Variants in GPR132 observed in about 807,000 individuals in gnomAD.
The protein encoded by GPR132 is G protein-coupled receptor 132.
Under a neutral mutation model 1.9 loss-of-function variants are expected in GPR132, and 4 were observed. The observed-to-expected ratio is 2.13, with a 90% CI of 1.05 to 4.87. GPR132 has a LOEUF of 4.87. Among genes scored for constraint, GPR132 ranks in the 30% most tolerant of loss-of-function variants. GPR132 has a pLI of 0.01. For missense variants in GPR132, 404 were observed against 512.5 expected, an observed-to-expected ratio of 0.79 and a Z score of 2.04; for synonymous variants, 233 against 234.2, an observed-to-expected ratio of 0.99 and a Z score of 0.05.
rs1429153443 is a variant in GPR132 at position 105,051,549 on chromosome 14, A to G, written c.588T>C (p.Ile196=). 1.2e-6 allele frequency: 2 copies of G among 1,614,004 alleles called. No individual in the cohort carries two copies. The highest frequency in any genetic ancestry group is 2.2e-5 in the South Asian group (2 of 91,082). ...TGAACCTGGCGTAGTAGTACCCGGC[A>G]ATCCTGCTGTCCATCTGCAGCATGT... ...CFDMLQMDSR[I]AGYYYARFTV... The change falls in exon 4 of 4, where the codon ATT becomes ATC. Residue 196 remains isoleucine, a synonymous_variant. Transcript: ENST00000329797. This position sits in a 1 kb window ranked among gnomAD's most constrained non-coding sequence, Gnocchi z 8.0.
At position 105,051,205 on chromosome 14, in the gene GPR132, G is replaced by A. The variant is rs147262508; in HGVS notation, c.932C>T (p.Ala311Val). ...GVADPIIYVL[A>V]TDHSRQEVSR... is the part of the protein sequence containing the mutation. ...CACTTCTTGGCGGGAATGGTCCGTG[G>A]CCAGCACGTAGATAATGGGGTCAGC... Residue 311 changes from alanine to valine, a missense_variant, in exon 4 of 4, where the codon GCC becomes GTC. By Grantham distance (64) the Ala-to-Val change is moderately conservative. Transcript: ENST00000329797. The surrounding 1 kb of genome is among the most constrained non-coding windows in gnomAD (Gnocchi z 8.0). The A allele has an allele frequency of 1.2e-6, 2 of 1,613,938 alleles. No homozygotes were observed. Among genetic ancestry groups the A allele is most frequent in the African/African-American group, 2.7e-5 (2 of 74,932 alleles).
At chr14:105,065,150 C>T (rs1488303625) in intron 1 of GPR132, among the ~76,000 whole-genome samples, 2 of 152,274 alleles carry the variant, frequency 1.3e-5, no homozygotes, top group African/African-American at 4.8e-5. Context: ...AACTGTTGTC[C>T]CTCTCCCCCA....
rs1398659603 is a variant in GPR132 at position 105,060,993 on chromosome 14, A to C, written c.-860-3713T>G. On this transcript the variant is annotated intron_variant, in intron 1 of 3. Transcript: ENST00000329797. The surrounding 1 kb of genome is among the most constrained non-coding windows in gnomAD (Gnocchi z 6.3). ...CAGAGCCGGAGCCACCTTCCCATCC[A>C]GCTGGTCCCATGCGGCCCATGCAGC... 2.0e-5 allele frequency among the ~76,000 whole-genome samples: 3 copies of C among 152,234 alleles called. No homozygotes were observed. Among genetic ancestry groups the C allele is most frequent in the African/African-American group, 7.2e-5 (3 of 41,464 alleles).
intron 1 of GPR132, among the ~76,000 whole-genome samples, chr14:105,064,093 C>T (rs753446111): frequency 5.9e-5 from 9 of 152,232 alleles, no homozygotes; most frequent in Non-Finnish European, 1.2e-4. Flanking sequence ...CCTGCCTTGG[C>T]CTCCCAAAGT....
Position 105,055,762 on chromosome 14 carries a change from T to C in GPR132, c.-342A>G, listed in dbSNP as rs1293381719. On this transcript the variant is annotated 5_prime_UTR_variant, in exon 3 of 4. Coordinates refer to ENST00000329797, the MANE Select transcript of GPR132 (RefSeq NM_013345.4). The surrounding 1 kb of genome is among the most constrained non-coding windows in gnomAD (Gnocchi z 4.7). ...GTCCTCCAGGGTCTCGCCAAAAATA[T>C]AAATATATATATATATTCCACTGTG... The C allele has an allele frequency of 1.8e-5, 6 of 324,770 alleles. No homozygotes were observed. In the Admixed American group the frequency reaches 2.2e-4, roughly 12 times the overall value. The allele number at this position is 324,770 out of a possible 1,614,324, so 20.1% of individuals were successfully genotyped here.
In GPR132 at chr14:105,050,926, C is replaced by T. The variant is rs1886616496; in HGVS notation, c.*68G>A. 16 of 1,431,200 alleles carry T rather than the reference C, an allele frequency of 1.1e-5. No individual in the cohort carries two copies. Among genetic ancestry groups the T allele is most frequent in the Non-Finnish European group, 1.5e-5 (16 of 1,034,592 alleles). The allele number at this position is 1,431,200 out of a possible 1,614,324, so 88.7% of individuals were successfully genotyped here. A position where few individuals can be genotyped will look rare whatever the true frequency, so the allele number is the denominator to read the frequency against. On this transcript the variant is annotated 3_prime_UTR_variant, in exon 4 of 4. Coordinates refer to ENST00000329797, the MANE Select transcript of GPR132 (RefSeq NM_013345.4). The surrounding 1 kb of genome is among the most constrained non-coding windows in gnomAD (Gnocchi z 4.0). ...ACATGGGCACTGTGGCTGGTGGGCT[C>T]AGTGCACAGGAACCACATTGCTGGC...
rs1413803536 is a variant in GPR132 at position 105,051,651 on chromosome 14, G to T, written c.486C>A (p.Ile162=). ...GRRRRRTAIL[I]SACIFILVGI... ...CGACGAGGATGAAGATGCAGGCGGAGATGAGGATGGCGGTCCTCCGGCGGC... is the reference window on the plus strand; with the variant it reads ...CGACGAGGATGAAGATGCAGGCGGATATGAGGATGGCGGTCCTCCGGCGGC... Residue 162 remains isoleucine, a synonymous_variant, in exon 4 of 4, where the codon ATC becomes ATA. Transcript: ENST00000329797. The surrounding 1 kb of genome is among the most constrained non-coding windows in gnomAD (Gnocchi z 8.0). 1 of 1,613,938 alleles carries T rather than the reference G, an allele frequency of 6.2e-7. No homozygotes were observed. The highest frequency in any genetic ancestry group is 8.5e-7 in the Non-Finnish European group (1 of 1,180,048).
At position 105,056,361 on chromosome 14, in the gene GPR132, C is replaced by T. The variant is rs1174216879; in HGVS notation, c.-746-195G>A. On this transcript the variant is annotated intron_variant, in intron 2 of 3. Coordinates refer to ENST00000329797, the MANE Select transcript of GPR132 (RefSeq NM_013345.4). The surrounding 1 kb of genome is among the most constrained non-coding windows in gnomAD (Gnocchi z 6.0). ...TTCCCATCAAACGAGTGCCCCAGCC[C>T]CGCTGTGCGAGTCCTGAGCTCAGAG... 6.6e-6 allele frequency among the ~76,000 whole-genome samples: 1 copy of T among 152,202 alleles called. No individual in the cohort carries two copies. The highest frequency in any genetic ancestry group is 1.5e-5 in the Non-Finnish European group (1 of 68,030).
intron 1 of GPR132, among the ~76,000 whole-genome samples, chr14:105,058,743 G>T (rs1185249519): frequency 6.6e-6 from 1 of 152,254 alleles, no homozygotes; most frequent in African/African-American, 2.4e-5. Flanking sequence ...TGGGCGGGCA[G>T]CAGATGGCTC....
At chr14:105,054,155 G>C (rs1324026931) in intron 3 of GPR132, 7 of 1,279,916 alleles carry the variant, frequency 5.5e-6, no homozygotes, top group Non-Finnish European at 7.1e-6. Context: ...AGACAGACCT[G>C]GCCTCAGCAC....
intron 1 of GPR132, chr14:105,057,482 C>T: frequency 3.4e-6 from 1 of 294,922 alleles, no homozygotes; most frequent in Non-Finnish European, 6.3e-6. Context: ...ATCAAAACGT[C>T]ACATTAGCCA....
intron 3 of GPR132, among the ~76,000 whole-genome samples, chr14:105,054,867 T>C (rs1886746435): frequency 6.6e-6 from 1 of 150,734 alleles, no homozygotes; most frequent in African/African-American, 2.4e-5. Flanking sequence ...TGGTGAAAAC[T>C]CGTCTCTACT....
In GPR132 at chr14:105,051,512, C is replaced by G; in HGVS notation, c.625G>C (p.Ala209Pro). 1 of 1,613,912 alleles carries G rather than the reference C, an allele frequency of 6.2e-7. No homozygotes were observed. The highest frequency in any genetic ancestry group is 1.7e-5 in the Admixed American group (1 of 60,006). Reference protein sequence around the residue: ...YYYARFTVGFAIPLSIIAFTN... With the variant: ...YYYARFTVGFPIPLSIIAFTN... The stretch of plus-strand genomic sequence containing the variant: ...AAGGCGATGATGGAGAGAGGGATGG[C>G]AAAGCCAACGGTGAACCTGGCGTAG... The change falls in exon 4 of 4, where the codon GCC becomes CCC. Residue 209 changes from alanine to proline, a missense_variant. By Grantham distance (27) the Ala-to-Pro change is conservative. Coordinates refer to ENST00000329797, the MANE Select transcript of GPR132 (RefSeq NM_013345.4). This position sits in a 1 kb window ranked among gnomAD's most constrained non-coding sequence, Gnocchi z 8.0.
intron 1 of GPR132, among the ~76,000 whole-genome samples, chr14:105,062,500 T>A (rs1157152911): frequency 6.6e-6 from 1 of 152,006 alleles, no homozygotes; most frequent in East Asian, 1.9e-4. Flanking sequence ...TCTTTTGCCT[T>A]TTTTGCCTTT....
chr14:105,054,546 T>G (rs2140929861), intron 3 of GPR132: 1 of 333,144 alleles, frequency 3.0e-6, no homozygotes, highest in Non-Finnish European at 4.3e-6. Flanking sequence ...TTCTCCTGCC[T>G]CAGCCTCCCG....
At chr14:105,064,139 G>T (rs1013339797) in intron 1 of GPR132, among the ~76,000 whole-genome samples, 1 of 151,872 alleles carries the variant, frequency 6.6e-6, no homozygotes, top group Non-Finnish European at 1.5e-5. Context: ...GCACCTGGCT[G>T]GATTGCCTGT....
Position 105,055,050 on chromosome 14 carries a change from G to A in GPR132, c.34+337C>T, listed in dbSNP as rs1345025149. On this transcript the variant is annotated intron_variant, in intron 3 of 3. Coordinates refer to ENST00000329797, the MANE Select transcript of GPR132 (RefSeq NM_013345.4). The surrounding 1 kb of genome is among the most constrained non-coding windows in gnomAD (Gnocchi z 4.7). ...AAAAAAAAAAAAAAAAAAAAATTCG[G>A]CCCCATGGGCCGTTCATTCCTTCAA... Among the ~76,000 whole-genome samples, 3 of 144,256 alleles carry A rather than the reference G, an allele frequency of 2.1e-5. No individual in the cohort carries two copies. Among genetic ancestry groups the A allele is most frequent in the South Asian group, 2.2e-4 (1 of 4,476 alleles). The allele number at this position is 144,256 out of a possible 152,430, so 94.6% of individuals were successfully genotyped here.
At chr14:105,061,961 C>G (rs1435182499) in intron 1 of GPR132, among the ~76,000 whole-genome samples, 17 of 152,212 alleles carry the variant, frequency 1.1e-4, no homozygotes, top group Non-Finnish European at 1.5e-5. Flanking sequence ...CCACCATGCT[C>G]ACAGCACCAG....
rs143526502 is a variant in GPR132 at position 105,053,950 on chromosome 14, G to A, written c.34+1437C>T. 120 of 1,191,760 alleles carry A rather than the reference G, an allele frequency of 1.0e-4. No individual in the cohort carries two copies. The East Asian group carries it at 2.1e-3, about 21-fold the overall frequency. 73.8% of individuals were successfully genotyped at this position (1,191,760 alleles called of 1,614,324 possible). ...CAACCTGCCTCAAACACAGCTCTCC[G>A]AGGTCAGAAACTCATCCTTTCCAGC... is the stretch of plus-strand genomic sequence containing the variant. On this transcript the variant is annotated intron_variant, in intron 3 of 3. Coordinates refer to ENST00000329797, the MANE Select transcript of GPR132 (RefSeq NM_013345.4).
Sources: gnomAD v4.1 joint callset for allele counts (sites outside exome capture counted in the v4.1 genomes callset) on GRCh38, gnomAD v4.1.1 for gene constraint, Gnocchi (gnomAD v3.1) non-coding constraint, MANE v1.5 for transcripts, NCBI Gene and HGNC (gene_info 2026-07-23, HGNC 2026-07-21) for gene names.